Variants in CACNA2D3 observed in about 807,000 individuals in gnomAD.
The protein encoded by CACNA2D3 is voltage-dependent calcium channel subunit alpha-2/delta-3.
Under a neutral mutation model 160.6 loss-of-function variants are expected in CACNA2D3, and 60 were observed. That is an observed-to-expected ratio of 0.37 (90% CI 0.30 to 0.46). The LOEUF is 0.46. CACNA2D3 is among the 20% of genes least tolerant of loss of function. The pLI is 1.00. For missense variants in CACNA2D3, 1,205 were observed against 1,365.0 expected (o/e 0.88, Z 1.85); for synonymous variants, 558 against 492.9 (o/e 1.13, Z -1.75).
chr3:54,418,207 T>C (rs1375370455), intron 4 of CACNA2D3, among the ~76,000 whole-genome samples: 1 of 152,204 alleles, frequency 6.6e-6, no homozygotes, highest in Admixed American at 6.5e-5. Flanking sequence ...AAGATATTAA[T>C]ACTCAGAACC....
intron 27 of CACNA2D3, among the ~76,000 whole-genome samples, chr3:54,931,888 T>C (rs1266323664): frequency 1.3e-5 from 2 of 152,100 alleles, no homozygotes; most frequent in Non-Finnish European, 2.9e-5. Flanking sequence ...CACAGGTATT[T>C]AAAGAATAAA....
At chr3:55,010,863 CTGTT>C (rs991585696) in intron 34 of CACNA2D3, among the ~76,000 whole-genome samples, 2 of 152,210 alleles carry the variant, frequency 1.3e-5, no homozygotes, top group African/African-American at 4.8e-5. Flanking sequence ...TATTGCCTCA[CTGTT>C]TGTGTTTTAC....
chr3:55,059,251 T>C (rs1263889459), intron 35 of CACNA2D3, among the ~76,000 whole-genome samples: 1 of 152,220 alleles, frequency 6.6e-6, no homozygotes, highest in African/African-American at 2.4e-5. Flanking sequence ...TAAAAGATGA[T>C]AGAAAATAGA....
chr3:55,070,156 C>CAGGG (rs1247391000), intron 35 of CACNA2D3, among the ~76,000 whole-genome samples: 6 of 152,176 alleles, frequency 3.9e-5, no homozygotes, highest in African/African-American at 4.8e-5. Context: ...GCCTTGGAAA[C>CAGGG]TACAGTCTTT....
chr3:54,149,930 T>TCTCTCC (rs1559863338), intron 2 of CACNA2D3, among the ~76,000 whole-genome samples: 8 of 40,428 alleles, frequency 2.0e-4, no homozygotes, highest in Non-Finnish European at 3.1e-4. Context: ...TCTCTCTCTC[T>TCTCTCC]CCCTCCCTCC....
At chr3:54,519,099 A>G (rs1204457157) in intron 5 of CACNA2D3, among the ~76,000 whole-genome samples, 2 of 152,278 alleles carry the variant, frequency 1.3e-5, no homozygotes, top group Non-Finnish European at 2.9e-5. Flanking sequence ...CTAGGTGCCA[A>G]CTGTCCTCAG....
intron 11 of CACNA2D3, among the ~76,000 whole-genome samples, chr3:54,734,484 G>T (rs1275149865): frequency 6.6e-6 from 1 of 152,134 alleles, no homozygotes; most frequent in African/African-American, 2.4e-5. Context: ...AAGATGTGGG[G>T]AAAAGATGAA....
chr3:54,815,327 T>TA (rs1703423610), intron 13 of CACNA2D3, among the ~76,000 whole-genome samples: 1 of 152,200 alleles, frequency 6.6e-6, no homozygotes, highest in African/African-American at 2.4e-5. Flanking sequence ...TCAATACCAT[T>TA]TTGGAGACAT....
intron 9 of CACNA2D3, among the ~76,000 whole-genome samples, chr3:54,620,457 C>T (rs189391800): frequency 1.3e-5 from 2 of 152,280 alleles, no homozygotes; most frequent in African/African-American, 4.8e-5. Flanking sequence ...CAGCAGACAC[C>T]ATCTTTTGGG....
intron 13 of CACNA2D3, among the ~76,000 whole-genome samples, chr3:54,806,237 C>G (rs1703118405): frequency 6.6e-6 from 1 of 152,114 alleles, no homozygotes; most frequent in Admixed American, 6.5e-5. Context: ...AAAGAGTATT[C>G]AATTAGGAAA....
At chr3:54,877,785 A>G (rs1190108681) in intron 18 of CACNA2D3, among the ~76,000 whole-genome samples, 1 of 152,060 alleles carries the variant, frequency 6.6e-6, no homozygotes, top group Admixed American at 6.5e-5. Context: ...CCTAATCTCT[A>G]GTTTGCCTGG....
At chr3:54,162,425 A>G (rs1700362979) in intron 2 of CACNA2D3, among the ~76,000 whole-genome samples, 2 of 152,030 alleles carry the variant, frequency 1.3e-5, no homozygotes, top group South Asian at 2.1e-4. Context: ...CTGGAACCCT[A>G]TGTGGGGCCT....
chr3:54,167,388 C>T (rs1700479559), intron 2 of CACNA2D3, among the ~76,000 whole-genome samples: 2 of 152,198 alleles, frequency 1.3e-5, no homozygotes, highest in South Asian at 4.1e-4. Flanking sequence ...CTGCTTTTCT[C>T]TCACCAAGAC....
chr3:54,252,085 C>G (rs28569971), intron 2 of CACNA2D3, among the ~76,000 whole-genome samples: 1 of 133,900 alleles, frequency 7.5e-6, no homozygotes, highest in Non-Finnish European at 1.6e-5. Context: ...TCCAATTTCT[C>G]TTTTTGCAGA....
chr3:54,869,927 G>A (rs1699487697), intron 17 of CACNA2D3, among the ~76,000 whole-genome samples: 1 of 152,172 alleles, frequency 6.6e-6, no homozygotes, highest in Non-Finnish European at 1.5e-5. Context: ...CCCTTCATCT[G>A]GAGTGGATCT....
intron 9 of CACNA2D3, among the ~76,000 whole-genome samples, chr3:54,615,306 G>A (rs940001405): frequency 1.3e-5 from 2 of 152,074 alleles, no homozygotes; most frequent in African/African-American, 2.4e-5. Flanking sequence ...AAATAAATAA[G>A]TAAATACCAA....
chr3:54,717,904 A>G (rs527620167), intron 11 of CACNA2D3, among the ~76,000 whole-genome samples: 1 of 151,844 alleles, frequency 6.6e-6, no homozygotes, highest in Non-Finnish European at 1.5e-5. Flanking sequence ...TGTGTTCTGC[A>G]TCTGGGTGTT....
At chr3:54,892,949 A>G (rs573484497) in intron 25 of CACNA2D3, among the ~76,000 whole-genome samples, 29 of 152,306 alleles carry the variant, frequency 1.9e-4, no homozygotes, top group Admixed American at 1.0e-3. Flanking sequence ...AGTGAGAGCG[A>G]TGATCTCTTT....
intron 27 of CACNA2D3, among the ~76,000 whole-genome samples, chr3:54,929,444 A>G (rs1701126321): frequency 6.6e-6 from 1 of 152,208 alleles, no homozygotes; most frequent in Admixed American, 6.5e-5. Context: ...TGCAGGTACA[A>G]AGGGAAGAGG....
Sources: allele counts gnomAD v4.1 joint callset (sites outside exome capture counted in the v4.1 genomes callset), GRCh38; gene constraint gnomAD v4.1.1; transcripts MANE v1.5; gene names NCBI Gene and HGNC (gene_info 2026-07-23, HGNC 2026-07-21).